ZNF431: variants seen among roughly 807,000 people sequenced by gnomAD.
ZNF431 encodes the protein zinc finger protein 431.
Under a neutral mutation model 57.0 loss-of-function variants are expected in ZNF431, and 34 were observed. The observed-to-expected ratio is 0.60, with a 90% CI of 0.45 to 0.79. ZNF431 has a LOEUF of 0.79. ZNF431 is among the 30% of genes least tolerant of loss of function. ZNF431 has a pLI of 0.00. For synonymous variants in ZNF431, 207 were observed against 220.3 expected, an observed-to-expected ratio of 0.94 and a Z score of 0.54; for missense variants, 607 against 667.1, an observed-to-expected ratio of 0.91 and a Z score of 0.99.
chr19:21,192,703 T>G lies in ZNF431; in HGVS notation c.*8669T>G, dbSNP rs558027219. 3.9e-5 allele frequency: 6 copies of G among 152,284 alleles called. No individual in the cohort carries two copies. In the South Asian group the frequency reaches 1.2e-3, roughly 32 times the overall value. The allele number at this position is 152,284 out of a possible 1,614,324, so 9.4% of individuals were successfully genotyped here. On this transcript the variant is annotated 3_prime_UTR_variant, in exon 5 of 5. Transcript: ENST00000311048. ...TAAAAGCTTACAACATATCCCTGTT[T>G]AGTATGTTGTTAGCAGTTTTTTTGG...
intron 2 of ZNF431, among the ~76,000 whole-genome samples, chr19:21,161,160 C>G (rs1273216558): frequency 9.5e-6 from 1 of 104,788 alleles, no homozygotes; most frequent in East Asian, 2.6e-4. Context: ...GAGCAAAGTT[C>G]CATCTCTAAA....
intron 2 of ZNF431, among the ~76,000 whole-genome samples, chr19:21,156,613 A>G (rs1401380235): frequency 6.6e-6 from 1 of 151,498 alleles, no homozygotes; most frequent in African/African-American, 2.4e-5. Flanking sequence ...AAATGATAGC[A>G]TGCATTTGGT....
Position 21,167,597 on chromosome 19 carries a change from G to T in ZNF431, c.250G>T (p.Val84Phe). 3.2e-6 allele frequency: 5 copies of T among 1,582,632 alleles called. No individual in the cohort carries two copies. Among genetic ancestry groups the T allele is most frequent in the Non-Finnish European group, 4.3e-6 (5 of 1,164,974 alleles). Residue 84 changes from valine to phenylalanine, a missense_variant, in exon 4 of 5, where the codon GTC becomes TTC. Transcript: ENST00000311048. ...LGVAVSKQDP[V>F]TCLEQEKEPW... Reference sequence around the variant, plus strand: ...TGTTGCTGTCTCTAAGCAAGACCCAGTCACCTGTCTGGAGCAAGAAAAAGA... The same window carrying T: ...TGTTGCTGTCTCTAAGCAAGACCCATTCACCTGTCTGGAGCAAGAAAAAGA...
chr19:21,149,698 C>A, intron 2 of ZNF431: 1 of 586,600 alleles, frequency 1.7e-6, no homozygotes, highest in Non-Finnish European at 3.2e-6. Context: ...TTGAGCTTGG[C>A]GATCTGAGCC....
At position 21,186,473 on chromosome 19, in the gene ZNF431, T is replaced by C. The variant is rs1407332522; in HGVS notation, c.*2439T>C. 2.6e-5 allele frequency: 4 copies of C among 152,156 alleles called. No individual in the cohort carries two copies. Among genetic ancestry groups the C allele is most frequent in the Non-Finnish European group, 5.9e-5 (4 of 68,026 alleles). The allele number at this position is 152,156 out of a possible 1,614,324, so 9.4% of individuals were successfully genotyped here. Reference sequence around the variant, plus strand: ...GTGTGTGAGTATGAGTTTGTACATATTTTCAGAAGGAAAGAATGATACGGG... The same window carrying C: ...GTGTGTGAGTATGAGTTTGTACATACTTTCAGAAGGAAAGAATGATACGGG... On this transcript the variant is annotated 3_prime_UTR_variant, in exon 5 of 5. Coordinates refer to ENST00000311048, the MANE Select transcript of ZNF431 (RefSeq NM_133473.4).
intron 4 of ZNF431, among the ~76,000 whole-genome samples, chr19:21,177,864 A>G (rs1397342618): frequency 6.6e-6 from 1 of 151,392 alleles, no homozygotes; most frequent in African/African-American, 2.4e-5. Flanking sequence ...TTTTTTTTCT[A>G]ATTCTGTGAA....
intron 2 of ZNF431, among the ~76,000 whole-genome samples, chr19:21,160,193 C>CA (rs1970534515): frequency 6.6e-6 from 1 of 151,918 alleles, no homozygotes; most frequent in Non-Finnish European, 1.5e-5. Flanking sequence ...TACAGAAAAC[C>CA]AATAGGAGGC....
At chr19:21,176,484 C>G (rs1307052267) in intron 4 of ZNF431, among the ~76,000 whole-genome samples, 1 of 151,838 alleles carries the variant, frequency 6.6e-6, no homozygotes, top group African/African-American at 2.4e-5. Context: ...CTCAGGTGAT[C>G]CTCCCACCTC....
At chr19:21,162,093 C>T (rs1429369273) in intron 2 of ZNF431, among the ~76,000 whole-genome samples, 2 of 151,850 alleles carry the variant, frequency 1.3e-5, no homozygotes, top group Non-Finnish European at 1.5e-5. Flanking sequence ...TCTTGTGCCT[C>T]AGCCTCCCAA....
chr19:21,173,094 A>G (rs1291292407), intron 4 of ZNF431, among the ~76,000 whole-genome samples: 1 of 152,222 alleles, frequency 6.6e-6, no homozygotes, highest in Non-Finnish European at 1.5e-5. Flanking sequence ...GATTTCTTTG[A>G]TAATATTTGA....
At chr19:21,149,812 G>T in intron 2 of ZNF431, 1 of 650,920 alleles carries the variant, frequency 1.5e-6, no homozygotes, top group African/African-American at 1.8e-5. Context: ...AAGCACCTTT[G>T]TCTTCTGAGT....
In ZNF431 at chr19:21,189,517, G is replaced by A. The variant is rs925692073; in HGVS notation, c.*5483G>A. On this transcript the variant is annotated 3_prime_UTR_variant, in exon 5 of 5. Transcript: ENST00000311048. ...TTTACCTCATATGGTGAACATTTTT[G>A]TTTTGAGACCACATGACACTGTCAT... 1.8e-5 allele frequency: 3 copies of A among 162,326 alleles called. No individual in the cohort carries two copies. The highest frequency in any genetic ancestry group is 6.5e-5 in the Admixed American group (1 of 15,458). 10.1% of individuals were successfully genotyped at this position (162,326 alleles called of 1,614,324 possible).
chr19:21,189,812 C>CCTCCA lies in ZNF431; in HGVS notation c.*5779_*5783dup, dbSNP rs1971467880. 1 of 397,070 alleles carries CCTCCA rather than the reference C, an allele frequency of 2.5e-6. No individual in the cohort carries two copies. Among genetic ancestry groups the CCTCCA allele is most frequent in the Admixed American group, 4.4e-5 (1 of 22,660 alleles). The allele number at this position is 397,070 out of a possible 1,614,324, so 24.6% of individuals were successfully genotyped here. A position where few individuals can be genotyped will look rare whatever the true frequency, so the allele number is the denominator to read the frequency against. Reference sequence around the variant, plus strand: ...TTGCTTATCCCAACTAATACAATGTCCTCCAACTTCATCCATGTGATTGAG... The same window carrying CCTCCA: ...TTGCTTATCCCAACTAATACAATGTCCTCCACTCCAACTTCATCCATGTGATTGAG... On this transcript the variant is annotated 3_prime_UTR_variant, in exon 5 of 5. Coordinates refer to ENST00000311048, the MANE Select transcript of ZNF431 (RefSeq NM_133473.4).
Position 21,189,856 on chromosome 19 carries a change from T to C in ZNF431, c.*5822T>C. ...GATTGAGAATAATAGTTTTTGTTTT[T>C]TTTTTAAGGCCAGGAGTGGTGGCTC... On this transcript the variant is annotated 3_prime_UTR_variant, in exon 5 of 5. Transcript: ENST00000311048. The C allele has an allele frequency of 2.5e-6, 1 of 398,126 alleles. No individual in the cohort carries two copies. Among genetic ancestry groups the C allele is most frequent in the Non-Finnish European group, 4.4e-6 (1 of 226,044 alleles). 24.7% of individuals were successfully genotyped at this position (398,126 alleles called of 1,614,324 possible).
rs776982752 is a variant in ZNF431 at position 21,189,913 on chromosome 19, G to C, written c.*5879G>C. ...GTAATCCCAGCTCTGGGAGGCCAAG[G>C]CCAGTGGATTGCTTGAGCCCAGGAG... is the stretch of plus-strand genomic sequence containing the variant. On this transcript the variant is annotated 3_prime_UTR_variant, in exon 5 of 5. Coordinates refer to ENST00000311048, the MANE Select transcript of ZNF431 (RefSeq NM_133473.4). 1 of 397,920 alleles carries C rather than the reference G, an allele frequency of 2.5e-6. No individual in the cohort carries two copies. The highest frequency in any genetic ancestry group is 1.4e-4 in the South Asian group (1 of 7,396). 24.6% of individuals were successfully genotyped at this position (397,920 alleles called of 1,614,324 possible).
chr19:21,142,282 G>A, intron 1 of ZNF431, 96 bp downstream of exon 1: 1 of 1,548,070 alleles, frequency 6.5e-7, no homozygotes, highest in South Asian at 1.1e-5. Context: ...CCCGCAGTCA[G>A]CTCCACAGTC....
At chr19:21,176,623 CAGAT>C (rs1174876195) in intron 4 of ZNF431, among the ~76,000 whole-genome samples, 1 of 152,116 alleles carries the variant, frequency 6.6e-6, no homozygotes, top group Non-Finnish European at 1.5e-5. Flanking sequence ...TAACCTTAGT[CAGAT>C]GGATAGATTG....
At chr19:21,166,249 C>T in intron 2 of ZNF431, 86 bp from the exon 3 acceptor site, 1 of 1,535,274 alleles carries the variant, frequency 6.5e-7, no homozygotes, top group Non-Finnish European at 8.7e-7. Flanking sequence ...TCTCTTTACT[C>T]TCTCAATTCA....
In ZNF431 at chr19:21,193,241, CTG is replaced by C. The variant is rs534867315; in HGVS notation, c.*9209_*9210del. The C allele has an allele frequency of 2.0e-5, 3 of 152,236 alleles. No homozygotes were observed. In the East Asian group the frequency reaches 5.8e-4, roughly 29 times the overall value. The allele number at this position is 152,236 out of a possible 1,614,324, so 9.4% of individuals were successfully genotyped here. ...TCCACCCTAACTCATTATATAAAAT[CTG>C]TATCGCTGCACGAGGTGGCTCACGC... is the stretch of plus-strand genomic sequence containing the variant. On this transcript the variant is annotated 3_prime_UTR_variant, in exon 5 of 5. Coordinates refer to ENST00000311048, the MANE Select transcript of ZNF431 (RefSeq NM_133473.4).
Sources: allele counts gnomAD v4.1 joint callset (sites outside exome capture counted in the v4.1 genomes callset), GRCh38; gene constraint gnomAD v4.1.1; transcripts MANE v1.5; gene names NCBI Gene and HGNC (gene_info 2026-07-23, HGNC 2026-07-21).